The following HEATR1 variants were observed in gnomAD, a reference collection of about 807,000 sequenced individuals.
HEATR1 encodes HEAT repeat-containing protein 1.
In HEATR1, 77 loss-of-function variants were observed where a neutral mutation model predicts 248.2. The ratio of observed to expected loss-of-function variants is 0.31; its 90% CI spans 0.26 to 0.37. HEATR1 has a LOEUF of 0.37. Among genes scored for constraint, HEATR1 ranks in the 10% least tolerant of loss-of-function variants. The pLI is 1.00. For synonymous variants in HEATR1, 897 were observed against 923.1 expected, an observed-to-expected ratio of 0.97 and a Z score of 0.51; for missense variants, 2,420 against 2,504.9, an observed-to-expected ratio of 0.97 and a Z score of 0.72.
intron 20 of HEATR1, among the ~76,000 whole-genome samples, 181 bp from the exon 21 acceptor site, chr1:236,577,130 C>G (rs1663582959): frequency 9.2e-6 from 1 of 108,512 alleles, no homozygotes; most frequent in Non-Finnish European, 2.2e-5. Context: ...CTGGTGCATT[C>G]TTTTGAAAAT....
chr1:236,574,474 C>A, intron 23 of HEATR1, 141 bp from the exon 24 acceptor site: 1 of 1,209,928 alleles, frequency 8.3e-7, no homozygotes, highest in South Asian at 1.5e-5. Flanking sequence ...TTTTAATGAC[C>A]CATGTACAAC....
Position 236,585,095 on chromosome 1 carries a change from G to C in HEATR1, c.2171C>G (p.Pro724Arg). The C allele has an allele frequency of 6.2e-7, 1 of 1,613,944 alleles. No homozygotes were observed. Among genetic ancestry groups the C allele is most frequent in the Non-Finnish European group, 8.5e-7 (1 of 1,179,894 alleles). Reference protein sequence around the residue: ...CCSSLKETHFPFAIRVFSLLQ... With the variant: ...CCSSLKETHFRFAIRVFSLLQ... The stretch of plus-strand genomic sequence containing the variant: ...CAAACTGAAGACTCTTATCGCAAAT[G>C]GAAAGTGGGTTTCTTTTAAAGATGA... Residue 724 changes from proline (P) to arginine (R), a missense_variant, in exon 17 of 45, where the codon CCA becomes CGA. Pro to Arg is a moderately radical substitution (Grantham distance 103). Coordinates refer to ENST00000366582, the MANE Select transcript of HEATR1 (RefSeq NM_018072.6).
At chr1:236,589,329 A>G (rs1337381006) in intron 12 of HEATR1, among the ~76,000 whole-genome samples, 1 of 152,230 alleles carries the variant, frequency 6.6e-6, no homozygotes, top group Non-Finnish European at 1.5e-5. Context: ...GCAGTTTACA[A>G]AAGCAGAATT....
At chr1:236,590,417 A>G (rs115897569) in intron 12 of HEATR1, among the ~76,000 whole-genome samples, 2,372 of 152,128 alleles carry the variant, frequency 0.016, 16 homozygotes, top group Middle Eastern at 0.075. Context: ...GAACTTTTTT[A>G]TAGAGAAGGG....
At chr1:236,580,615 C>G (rs1004913552) in intron 20 of HEATR1, among the ~76,000 whole-genome samples, 1 of 151,282 alleles carries the variant, frequency 6.6e-6, no homozygotes. Flanking sequence ...CTCCCAGGCA[C>G]AAGCCATCTG....
Position 236,557,225 on chromosome 1 carries a change from G to A in HEATR1, c.5325C>T (p.Ile1775=), listed in dbSNP as rs1001559622. 6.2e-7 allele frequency: 1 copy of A among 1,614,118 alleles called. No homozygotes were observed. Among genetic ancestry groups the A allele is most frequent in the Non-Finnish European group, 8.5e-7 (1 of 1,179,996 alleles). The change falls in exon 37 of 45, where the codon ATC becomes ATT. Residue 1775 remains isoleucine, a synonymous_variant. Coordinates refer to ENST00000366582, the MANE Select transcript of HEATR1 (RefSeq NM_018072.6). ...AGAGAATGCCTTCCAGATAGGGGCT[G>A]ATGAAGTGCGGGAGAGTCTCCACAA... ...QKVVETLPHF[I]SPYLEGILSQ...
At chr1:236,551,147 G>A (rs371919007) in intron 44 of HEATR1, 157 bp from the exon 45 acceptor site, 50 of 597,332 alleles carry the variant, frequency 8.4e-5, no homozygotes, top group African/African-American at 5.2e-4. Flanking sequence ...GCCACGGACC[G>A]CCTCCCTCCA....
At chr1:236,588,968 T>C (rs1486271063) in intron 12 of HEATR1, among the ~76,000 whole-genome samples, 3 of 152,162 alleles carry the variant, frequency 2.0e-5, no homozygotes, top group Admixed American at 1.3e-4. Context: ...CAAGAGCTAA[T>C]AAGCAGCCAT....
chr1:236,554,584 TTC>T lies in HEATR1; in HGVS notation c.6078+12_6078+13del, dbSNP rs1462620339. On this transcript the variant is annotated intron_variant, in intron 42 of 44. Coordinates refer to ENST00000366582, the MANE Select transcript of HEATR1 (RefSeq NM_018072.6). ...TGGCTTCCTCAGCAACGAAAGATGA[TTC>T]TGTTTGGTTACCTGATCCACCAGAG... The T allele has an allele frequency of 1.9e-6, 3 of 1,608,770 alleles. No homozygotes were observed. The highest frequency in any genetic ancestry group is 2.5e-6 in the Non-Finnish European group (3 of 1,178,538).
At chr1:236,557,072 G>T in intron 37 of HEATR1, 123 bp downstream of exon 37, 1 of 1,001,274 alleles carries the variant, frequency 1.0e-6, no homozygotes, top group Non-Finnish European at 1.4e-6. Flanking sequence ...CATCTCTTCA[G>T]AAATAAGACT....
Position 236,558,403 on chromosome 1 carries a change from T to A in HEATR1, c.5038A>T (p.Asn1680Tyr), listed in dbSNP as rs1408837747. The change falls in exon 36 of 45, where the codon AAT becomes TAT. Residue 1680 changes from asparagine (N) to tyrosine (Y), a missense_variant. Physicochemically the swap from Asn to Tyr is moderately radical, Grantham distance 143. Coordinates refer to ENST00000366582, the MANE Select transcript of HEATR1 (RefSeq NM_018072.6). ...ALYTLKLLCK[N>Y]FGAENPDPFV... ...GGATCTGGATTTTCTGCACCAAAAT[T>A]CTTGCATAAAAGCTTTAAGGTATAC... 1.2e-6 allele frequency: 2 copies of A among 1,614,106 alleles called. No individual in the cohort carries two copies. Among genetic ancestry groups the A allele is most frequent in the African/African-American group, 2.7e-5 (2 of 74,942 alleles).
intron 40 of HEATR1, 31 bp from the exon 41 acceptor site, chr1:236,555,495 G>C (rs757798816): frequency 1.2e-6 from 2 of 1,613,934 alleles, no homozygotes; most frequent in African/African-American, 2.7e-5. Context: ...TAGTTTCTTC[G>C]ACATCTTGTC....
At chr1:236,561,185 C>G (rs1663120891) in intron 33 of HEATR1, 40 bp downstream of exon 33, 1 of 1,402,296 alleles carries the variant, frequency 7.1e-7, no homozygotes, top group Admixed American at 1.7e-5. Context: ...AGTTTGAAGT[C>G]ATTTCCAAAT....
Position 236,569,000 on chromosome 1 carries a change from A to C in HEATR1, c.4073T>G (p.Ile1358Ser). The change falls in exon 29 of 45, where the codon ATT becomes AGT. Residue 1358 changes from isoleucine (I) to serine (S), a missense_variant. Transcript: ENST00000366582. ...GATGGTATAAAGAGACCTTACCTGA[A>C]TAAGTGCGGGAATAACCATTTTCAC... ...KTVKMVIPAL[I>S]QSDSGDSIEV... The C allele has an allele frequency of 6.3e-7, 1 of 1,580,782 alleles. No homozygotes were observed. The highest frequency in any genetic ancestry group is 8.6e-7 in the Non-Finnish European group (1 of 1,167,638).
At chr1:236,556,052 G>A in intron 38 of HEATR1, 48 bp downstream of exon 38, 4 of 1,610,254 alleles carry the variant, frequency 2.5e-6, no homozygotes, top group Non-Finnish European at 3.4e-6. Flanking sequence ...ACACATTGCA[G>A]TACCACCTCT....
chr1:236,552,339 C>T (rs1233898375), intron 43 of HEATR1: 2 of 317,000 alleles, frequency 6.3e-6, no homozygotes, highest in Non-Finnish European at 1.1e-5. Flanking sequence ...TGTCCCAGGA[C>T]TGCAAATCTT....
chr1:236,583,033 G>C lies in HEATR1; in HGVS notation c.2405C>G (p.Ala802Gly), dbSNP rs1181797531. 6.2e-7 allele frequency: 1 copy of C among 1,613,994 alleles called. No homozygotes were observed. The highest frequency in any genetic ancestry group is 1.7e-5 in the Admixed American group (1 of 59,978). The change falls in exon 18 of 45, where the codon GCT (alanine) becomes GGT (glycine). Residue 802 changes from alanine to glycine, a missense_variant. Transcript: ENST00000366582. ...SLKKFIYALK[A>G]PKSFPKGDIW... ...CTTACCTTTAGGAAAAGATTTAGGAGCTTTCAGTGCATAAATAAATTTTTT... is the reference window on the plus strand; with the variant it reads ...CTTACCTTTAGGAAAAGATTTAGGACCTTTCAGTGCATAAATAAATTTTTT...
rs1415537509 is a variant in HEATR1, at chr1:236,576,297, G to A, written c.3006C>T (p.Asn1002=). The A allele has an allele frequency of 5.6e-6, 9 of 1,611,802 alleles. No individual in the cohort carries two copies. The highest frequency in any genetic ancestry group is 1.3e-5 in the African/African-American group (1 of 74,944). Residue 1002 remains asparagine, a synonymous_variant, in exon 22 of 45, where the codon AAC becomes AAT. Transcript: ENST00000366582. ...SHQKLSETLK[N]LLSCVYSCPS... ...GGCAACTATACACACAACTAAGTAAGTTTTTCAAAGTTTCAGACAACTTCT... is the reference window on the plus strand; with the variant it reads ...GGCAACTATACACACAACTAAGTAAATTTTTCAAAGTTTCAGACAACTTCT...
At chr1:236,593,584 G>GAAAAAAAAAA (rs534009257) in intron 9 of HEATR1, among the ~76,000 whole-genome samples, 6 of 90,822 alleles carry the variant, frequency 6.6e-5, no homozygotes, top group Non-Finnish European at 6.5e-5. Flanking sequence ...CCCATTAAGA[G>GAAAAAAAAAA]AAAAAAAAAA....
Sources: gnomAD v4.1 joint callset for allele counts (sites outside exome capture counted in the v4.1 genomes callset) on GRCh38, gnomAD v4.1.1 for gene constraint, MANE v1.5 for transcripts, NCBI Gene and HGNC (gene_info 2026-07-23, HGNC 2026-07-21) for gene names.